The following RNF4 variants were observed in gnomAD, a reference collection of about 807,000 sequenced individuals.
RNF4 encodes E3 ubiquitin-protein ligase RNF4.
RNF4 carries 7 observed loss-of-function variants against 24.3 expected under a neutral mutation model. The ratio of observed to expected loss-of-function variants is 0.29; its 90% CI spans 0.16 to 0.54. The LOEUF (loss-of-function observed/expected upper bound fraction) is 0.54. Ranked by LOEUF, RNF4 falls within the 20% of genes least tolerant of loss-of-function variation. The pLI is 0.95. For synonymous variants in RNF4, 83 were observed against 84.3 expected (o/e 0.98, Z 0.09); for missense variants, 209 against 248.5 (o/e 0.84, Z 1.07).
At chr4:2,499,311 G>A (rs1434262663) in intron 3 of RNF4, 1 of 451,030 alleles carries the variant, frequency 2.2e-6, no homozygotes. Context: ...TTGTTTTTGA[G>A]ATGGAGTTTT....
intron 4 of RNF4, among the ~76,000 whole-genome samples, chr4:2,501,877 G>A (rs139544165): frequency 1.3e-5 from 2 of 152,328 alleles, no homozygotes; most frequent in South Asian, 2.1e-4. Context: ...GAGAACTTCA[G>A]AATAGGGTTA....
chr4:2,496,570 C>T (rs1735741794), intron 2 of RNF4, among the ~76,000 whole-genome samples: 1 of 152,176 alleles, frequency 6.6e-6, no homozygotes, highest in Non-Finnish European at 1.5e-5. Context: ...AAGTGATTCT[C>T]CTGCCTCAGC....
At chr4:2,484,851 A>G (rs368319187) in intron 1 of RNF4, among the ~76,000 whole-genome samples, 24 of 152,032 alleles carry the variant, frequency 1.6e-4, no homozygotes, top group African/African-American at 4.1e-4. Context: ...TCCTTGGTCT[A>G]CAGTCTGACT....
intron 1 of RNF4, among the ~76,000 whole-genome samples, chr4:2,479,230 T>C (rs1460963918): frequency 2.0e-5 from 3 of 152,250 alleles, no homozygotes; most frequent in African/African-American, 7.2e-5. Flanking sequence ...AAATTGCTTT[T>C]GATTTACAGG....
At chr4:2,484,067 T>TTCCCCCCCCCCCCCCCCCC (rs113878655) in intron 1 of RNF4, among the ~76,000 whole-genome samples, 1 of 13,248 alleles carries the variant, frequency 7.5e-5, no homozygotes, top group Non-Finnish European at 1.6e-4. Flanking sequence ...CCTCAGGTGA[T>TTCCCCCCCCCCCCCCCCCC]CCCCCCCCGC....
chr4:2,473,463 C>G (rs1156974101), intron 1 of RNF4, among the ~76,000 whole-genome samples: 2 of 152,010 alleles, frequency 1.3e-5, no homozygotes, highest in Non-Finnish European at 2.9e-5. Flanking sequence ...GGGTTCTAGA[C>G]TTCAATGGAA....
intron 2 of RNF4, among the ~76,000 whole-genome samples, chr4:2,491,045 G>T (rs940065173): frequency 2.0e-5 from 3 of 152,168 alleles, no homozygotes; most frequent in Non-Finnish European, 2.9e-5. Flanking sequence ...TCACACCACT[G>T]CATTTCGGCA....
At position 2,497,076 on chromosome 4, in the gene RNF4, C is replaced by G. The variant is rs1205145877; in HGVS notation, c.79C>G (p.Pro27Ala). The G allele has an allele frequency of 4.4e-6, 7 of 1,609,128 alleles. No homozygotes were observed. The highest frequency in any genetic ancestry group is 2.7e-5 in the African/African-American group (2 of 74,628). Residue 27 changes from proline (P) to alanine (A), a missense_variant, in exon 3 of 8, where the codon CCC becomes GCC. By Grantham distance (27) the Pro-to-Ala change is conservative (BLOSUM62 -1). This residue lies in a region of RNF4 where 182 missense variants were observed against 197.2 expected (regional missense o/e 0.92). Transcript: ENST00000314289. The part of the protein sequence containing the change: ...QKRTREATST[P>A]EISLEAEPIE... ...GCGAACTCGGGAAGCAACCTCCACC[C>G]CCGAGATCTCCTTGGAAGCAGAACC...
chr4:2,477,413 T>C (rs846237), intron 1 of RNF4, among the ~76,000 whole-genome samples: 35,042 of 151,916 alleles, frequency 0.23, 4,987 homozygotes, highest in South Asian at 0.39. Flanking sequence ...AGTGAAACCC[T>C]GTCTCTACTA....
chr4:2,496,940 T>A, intron 2 of RNF4, 67 bp from the exon 3 acceptor site: 2 of 1,193,058 alleles, frequency 1.7e-6, no homozygotes, highest in Non-Finnish European at 2.4e-6. Flanking sequence ...CTATTGCCCA[T>A]TTAGTTCTTC....
At chr4:2,493,960 A>C (rs1386328154) in intron 2 of RNF4, among the ~76,000 whole-genome samples, 1 of 151,406 alleles carries the variant, frequency 6.6e-6, no homozygotes, top group Non-Finnish European at 1.5e-5. Context: ...CTCCTGCCTC[A>C]GCCTCCCGAG....
At chr4:2,477,440 C>A (rs930768332) in intron 1 of RNF4, among the ~76,000 whole-genome samples, 1 of 152,102 alleles carries the variant, frequency 6.6e-6, no homozygotes, top group Non-Finnish European at 1.5e-5. Context: ...CAAAAATTAG[C>A]TGGACATGGT....
intron 1 of RNF4, among the ~76,000 whole-genome samples, chr4:2,471,796 T>C (rs528051494): frequency 9.8e-5 from 15 of 152,288 alleles, no homozygotes; most frequent in African/African-American, 3.6e-4. Flanking sequence ...AGGTACTAAC[T>C]CTCTTCAATT....
chr4:2,491,634 A>G (rs1578510800), intron 2 of RNF4, among the ~76,000 whole-genome samples: 1 of 151,878 alleles, frequency 6.6e-6, no homozygotes, highest in South Asian at 2.1e-4. Flanking sequence ...TAGAGATGTG[A>G]TTTCACCATG....
chr4:2,476,706 T>TG (rs1366751786), intron 1 of RNF4, among the ~76,000 whole-genome samples: 4 of 143,280 alleles, frequency 2.8e-5, no homozygotes, highest in Non-Finnish European at 6.1e-5. Flanking sequence ...CTTTCTTTCT[T>TG]TTTTTTTTTT....
intron 4 of RNF4, among the ~76,000 whole-genome samples, chr4:2,508,784 G>T (rs899848893): frequency 2.0e-5 from 3 of 151,010 alleles, no homozygotes; most frequent in Non-Finnish European, 4.4e-5. Context: ...GGCTAATTTT[G>T]TGTTTTTAGT....
intron 2 of RNF4, among the ~76,000 whole-genome samples, chr4:2,493,606 C>T (rs1311927018): frequency 6.6e-6 from 1 of 151,466 alleles, no homozygotes; most frequent in Non-Finnish European, 1.5e-5. Context: ...TAGCTAAGCA[C>T]AGTGGCGGGT....
intron 4 of RNF4, among the ~76,000 whole-genome samples, chr4:2,508,954 C>T (rs1299643482): frequency 1.9e-5 from 2 of 107,590 alleles, no homozygotes; most frequent in Admixed American, 1.4e-4. Context: ...GACAGTTTCA[C>T]TATTGTCGCC....
chr4:2,486,868 C>T (rs569844964), intron 1 of RNF4, among the ~76,000 whole-genome samples: 7 of 152,224 alleles, frequency 4.6e-5, no homozygotes, highest in East Asian at 1.9e-4. Context: ...ATTGATGTGG[C>T]GGGGAGAACA....
Sources: gnomAD v4.1 joint callset for allele counts (sites outside exome capture counted in the v4.1 genomes callset) on GRCh38, gnomAD v4.1.1 for gene constraint, gnomAD v4.1.1 regional missense constraint, MANE v1.5 for transcripts, NCBI Gene and HGNC (gene_info 2026-07-23, HGNC 2026-07-21) for gene names.